The following APP variants were observed in gnomAD, a reference collection of about 807,000 sequenced individuals.
APP encodes the protein amyloid-beta precursor protein.
Under a neutral mutation model 101.4 loss-of-function variants are expected in APP, and 31 were observed. That is an observed-to-expected ratio of 0.31 (90% CI 0.23 to 0.41). The LOEUF (loss-of-function observed/expected upper bound fraction) is 0.41. Ranked by LOEUF, APP falls within the 10% of genes least tolerant of loss-of-function variation. The pLI, the probability that APP is intolerant of heterozygous loss-of-function variation, is 1.00. For synonymous variants in APP, 366 were observed against 364.4 expected, an observed-to-expected ratio of 1.00 and a Z score of -0.05; for missense variants, 839 against 1,003.7, an observed-to-expected ratio of 0.84 and a Z score of 2.22.
At chr21:26,063,183 G>A (rs2046338150) in intron 3 of APP, among the ~76,000 whole-genome samples, 1 of 152,090 alleles carries the variant, frequency 6.6e-6, no homozygotes. Flanking sequence ...GTGTCCATGT[G>A]GTAATACGTT....
At chr21:26,132,307 G>A (rs1386324140) in intron 1 of APP, among the ~76,000 whole-genome samples, 4 of 152,032 alleles carry the variant, frequency 2.6e-5, no homozygotes, top group African/African-American at 9.7e-5. Flanking sequence ...AGATTAAATT[G>A]GTATTATATA....
At chr21:25,954,400 C>T (rs1178488879) in intron 13 of APP, among the ~76,000 whole-genome samples, 190 bp downstream of exon 13, 2 of 152,188 alleles carry the variant, frequency 1.3e-5, no homozygotes, top group South Asian at 2.1e-4. Flanking sequence ...TCCAGTCTTA[C>T]AAGTATGGAG....
At chr21:26,164,911 A>T (rs929110241) in intron 1 of APP, among the ~76,000 whole-genome samples, 1 of 151,986 alleles carries the variant, frequency 6.6e-6, no homozygotes, top group African/African-American at 2.4e-5. Context: ...GAAAAAAAAA[A>T]ACTAGGTATT....
chr21:26,022,317 T>C (rs2044377012), intron 5 of APP, among the ~76,000 whole-genome samples: 1 of 152,118 alleles, frequency 6.6e-6, no homozygotes, highest in Non-Finnish European at 1.5e-5. Context: ...AATAAAAAGA[T>C]CAGCGGTTGC....
chr21:25,995,967 A>G (rs1269272479), intron 8 of APP, among the ~76,000 whole-genome samples: 1 of 151,668 alleles, frequency 6.6e-6, no homozygotes, highest in Non-Finnish European at 1.5e-5. Flanking sequence ...AGGATAATGT[A>G]CACAAATGCT....
At chr21:25,892,092 T>G (rs1016303518) in intron 16 of APP, among the ~76,000 whole-genome samples, 1 of 150,264 alleles carries the variant, frequency 6.7e-6, no homozygotes, top group African/African-American at 2.4e-5. Flanking sequence ...CTACTAAGAA[T>G]GATAATCATA....
chr21:25,948,002 C>CT, intron 13 of APP, among the ~76,000 whole-genome samples: 1 of 81,406 alleles, frequency 1.2e-5, no homozygotes, highest in East Asian at 2.8e-4. Flanking sequence ...AAGACTCCAT[C>CT]TCAAAAAAAA....
intron 13 of APP, among the ~76,000 whole-genome samples, chr21:25,913,727 TCTCA>T (rs1410501475): frequency 2.0e-5 from 3 of 152,202 alleles, no homozygotes; most frequent in Non-Finnish European, 2.9e-5. Flanking sequence ...TTGGAAATGT[TCTCA>T]CTGTTTCGCA....
intron 8 of APP, among the ~76,000 whole-genome samples, chr21:25,988,702 C>CAAAAAAAAA (rs537417600): frequency 0.056 from 3,453 of 61,998 alleles, 180 homozygotes; most frequent in Non-Finnish European, 0.071. Flanking sequence ...AACTCTGTCT[C>CAAAAAAAAA]AAAAAAAAAA....
At chr21:26,093,741 G>T (rs2146126797) in intron 2 of APP, among the ~76,000 whole-genome samples, 1 of 152,282 alleles carries the variant, frequency 6.6e-6, no homozygotes, top group African/African-American at 2.4e-5. Flanking sequence ...GAACATGCGT[G>T]TTATTTTCTG....
At chr21:25,886,107 G>GGAACTAA (rs1437167377) in intron 17 of APP, among the ~76,000 whole-genome samples, 1 of 152,020 alleles carries the variant, frequency 6.6e-6, no homozygotes, top group Non-Finnish European at 1.5e-5. Flanking sequence ...AGTAAAGGAG[G>GGAACTAA]GTAAGGGAAC....
chr21:25,965,146 G>A (rs1372756375), intron 11 of APP, among the ~76,000 whole-genome samples: 1 of 152,172 alleles, frequency 6.6e-6, no homozygotes, highest in Non-Finnish European at 1.5e-5. Flanking sequence ...GTTTGGACTT[G>A]TATGTCTTCA....
intron 8 of APP, among the ~76,000 whole-genome samples, chr21:25,983,153 C>G (rs1051443366): frequency 6.6e-6 from 1 of 152,290 alleles, no homozygotes; most frequent in Non-Finnish European, 1.5e-5. Context: ...ACTAATACTG[C>G]TAAGCAATAT....
intron 5 of APP, among the ~76,000 whole-genome samples, chr21:26,036,779 T>G (rs573825410): frequency 6.6e-6 from 1 of 152,198 alleles, no homozygotes; most frequent in East Asian, 1.9e-4. Flanking sequence ...GTATGGAGAT[T>G]CCTCAAAAAA....
chr21:26,074,127 T>C (rs1184792422), intron 3 of APP, among the ~76,000 whole-genome samples: 1 of 152,166 alleles, frequency 6.6e-6, no homozygotes, highest in African/African-American at 2.4e-5. Context: ...GGAAGGTAGT[T>C]AACACTAAAA....
intron 5 of APP, among the ~76,000 whole-genome samples, chr21:26,031,538 C>T (rs2044822809): frequency 6.6e-6 from 1 of 152,044 alleles, no homozygotes. Context: ...AGGTGAAAGG[C>T]ATTTCTTACA....
Position 26,051,011 on chromosome 21 carries a change from A to G in APP, c.651T>C (p.Tyr217=), listed in dbSNP as rs921241029. Residue 217 remains tyrosine (Y), a synonymous_variant, in exon 5 of 18, where the codon TAT becomes TAC. Coordinates refer to ENST00000346798, the MANE Select transcript of APP (RefSeq NM_000484.4). Reference sequence around the variant, plus strand: ...AAAGGCCACCTTACCTCCCATCTGCATAGTCTGTGTCTGCTCCGCCCCACC... The same window carrying G: ...AAAGGCCACCTTACCTCCCATCTGCGTAGTCTGTGTCTGCTCCGCCCCACC... ...DVWWGGADTD[Y]ADGSEDKVVE... 6.2e-7 allele frequency: 1 copy of G among 1,614,194 alleles called. No individual in the cohort carries two copies. Among genetic ancestry groups the G allele is most frequent in the Non-Finnish European group, 8.5e-7 (1 of 1,180,034 alleles).
chr21:26,140,541 C>G, intron 1 of APP: 1 of 302,188 alleles, frequency 3.3e-6, no homozygotes, highest in Non-Finnish European at 5.9e-6. Context: ...GGAGAAGGAA[C>G]TGCTGGCCCA....
At chr21:26,082,496 A>G (rs1371600857) in intron 3 of APP, among the ~76,000 whole-genome samples, 6 of 152,210 alleles carry the variant, frequency 3.9e-5, no homozygotes, top group Non-Finnish European at 7.3e-5. Context: ...ATAAACTTTA[A>G]AATTATAAAA....
Sources: gnomAD v4.1 joint callset for allele counts (sites outside exome capture counted in the v4.1 genomes callset) on GRCh38, gnomAD v4.1.1 for gene constraint, MANE v1.5 for transcripts, NCBI Gene and HGNC (gene_info 2026-07-23, HGNC 2026-07-21) for gene names.